Variants in PLAAT3 observed in about 807,000 individuals in gnomAD.
The protein encoded by PLAAT3 is Ca-independent phospholipase A1/2.
Under a neutral mutation model 16.7 loss-of-function variants are expected in PLAAT3, and 21 were observed. That is an observed-to-expected ratio of 1.26 (90% CI 0.89 to 1.81). PLAAT3 has a LOEUF of 1.81. PLAAT3 is among the 40% of genes most tolerant of loss of function. PLAAT3 has a pLI of 0.00. For synonymous variants in PLAAT3, 76 were observed against 81.7 expected, an observed-to-expected ratio of 0.93 and a Z score of 0.38; for missense variants, 219 against 213.7, an observed-to-expected ratio of 1.02 and a Z score of -0.16.
At chr11:63,612,593 G>A (rs777328818) in intron 2 of PLAAT3, among the ~76,000 whole-genome samples, 16 of 152,188 alleles carry the variant, frequency 1.1e-4, no homozygotes, top group Non-Finnish European at 1.8e-4. Context: ...CCATGAATAT[G>A]CAAAGATTGA....
At chr11:63,580,547 G>A (rs897207722) in intron 4 of PLAAT3, among the ~76,000 whole-genome samples, 11 of 152,202 alleles carry the variant, frequency 7.2e-5, no homozygotes, top group African/African-American at 2.7e-4. Flanking sequence ...CCAGCTACTT[G>A]GGAGGCTGAG....
At chr11:63,595,134 T>C (rs993734094) in intron 3 of PLAAT3, among the ~76,000 whole-genome samples, 2 of 151,670 alleles carry the variant, frequency 1.3e-5, no homozygotes, top group Non-Finnish European at 2.9e-5. Flanking sequence ...CTACTAAAAA[T>C]ACAAAAATTA....
At chr11:63,603,758 A>ACG (rs1938492905) in intron 2 of PLAAT3, among the ~76,000 whole-genome samples, 1 of 129,722 alleles carries the variant, frequency 7.7e-6, no homozygotes, top group African/African-American at 3.2e-5. Context: ...ACACACAGAC[A>ACG]GAGATATTAG....
chr11:63,576,117 A>C (rs1411814191), intron 4 of PLAAT3, among the ~76,000 whole-genome samples: 4 of 152,184 alleles, frequency 2.6e-5, no homozygotes, highest in Non-Finnish European at 4.4e-5. Flanking sequence ...AGAGTCCAGA[A>C]GACTTTTCTG....
chr11:63,574,896 A>T lies in PLAAT3; in HGVS notation c.*49T>A. ...AAACCCCAAACTCTCTAGCAAAACA[A>T]GACCCCCTTGATGTATAAAGTCATC... On this transcript the variant is annotated 3_prime_UTR_variant, in exon 5 of 5. Transcript: ENST00000415826. 1 of 1,093,576 alleles carries T rather than the reference A, an allele frequency of 9.1e-7. No homozygotes were observed. The highest frequency in any genetic ancestry group is 1.4e-6 in the Non-Finnish European group (1 of 707,202). The allele number at this position is 1,093,576 out of a possible 1,614,324, so 67.7% of individuals were successfully genotyped here. A position where few individuals can be genotyped will look rare whatever the true frequency, so the allele number is the denominator to read the frequency against.
chr11:63,597,903 C>T (rs538754634), intron 3 of PLAAT3, among the ~76,000 whole-genome samples, 158 bp downstream of exon 3: 3 of 152,344 alleles, frequency 2.0e-5, no homozygotes, highest in African/African-American at 4.8e-5. Flanking sequence ...CAGTGCCCCA[C>T]ACCAAACTGC....
chr11:63,601,980 C>CAAAA (rs71468636), intron 2 of PLAAT3, among the ~76,000 whole-genome samples: 20 of 99,330 alleles, frequency 2.0e-4, no homozygotes, highest in South Asian at 3.9e-4. Context: ...AACTCTGTCT[C>CAAAA]AAAAAAAAAA....
chr11:63,615,156 A>ATGTGTGTATATG (rs568532248), upstream of PLAAT3, among the ~76,000 whole-genome samples: 2 of 30,786 alleles, frequency 6.5e-5, no homozygotes, highest in African/African-American at 1.4e-4. Flanking sequence ...GTGTGTATAT[A>ATGTGTGTATATG]TGTGTATATA....
chr11:63,600,554 A>G (rs1938397768), intron 2 of PLAAT3, among the ~76,000 whole-genome samples: 1 of 151,326 alleles, frequency 6.6e-6, no homozygotes, highest in Admixed American at 6.6e-5. Context: ...TAAAATTTCT[A>G]TACTCTTCTA....
chr11:63,603,084 CT>C (rs1227158131), intron 2 of PLAAT3, among the ~76,000 whole-genome samples: 5 of 152,162 alleles, frequency 3.3e-5, no homozygotes, highest in East Asian at 1.9e-4. Flanking sequence ...CAGAGCAAGA[CT>C]CTATCTCAAA....
chr11:63,612,098 A>T (rs2134436266), intron 2 of PLAAT3, among the ~76,000 whole-genome samples: 1 of 152,316 alleles, frequency 6.6e-6, no homozygotes, highest in Admixed American at 6.5e-5. Context: ...AGATCACGCC[A>T]TTGCACTCCA....
At chr11:63,614,177 C>A in intron 1 of PLAAT3, 109 bp from the exon 2 acceptor site, 1 of 904,142 alleles carries the variant, frequency 1.1e-6, no homozygotes, top group Non-Finnish European at 1.7e-6. Flanking sequence ...CGCCTCGGAC[C>A]CCAGGAACAA....
intron 2 of PLAAT3, among the ~76,000 whole-genome samples, chr11:63,611,719 A>C (rs988233991): frequency 6.6e-6 from 1 of 152,266 alleles, no homozygotes; most frequent in Admixed American, 6.5e-5. Context: ...TGATGTTTGA[A>C]AGCCTGGGTG....
chr11:63,593,974 C>T (rs1342019807), intron 3 of PLAAT3, among the ~76,000 whole-genome samples: 4 of 152,208 alleles, frequency 2.6e-5, no homozygotes, highest in Admixed American at 6.5e-5. Flanking sequence ...AGAAGTGACA[C>T]TGCCACCAGG....
chr11:63,610,983 C>T (rs1311235447), intron 2 of PLAAT3, among the ~76,000 whole-genome samples: 2 of 152,052 alleles, frequency 1.3e-5, no homozygotes, highest in Non-Finnish European at 1.5e-5. Flanking sequence ...CTCCTGGGGG[C>T]GGCTACAACA....
chr11:63,607,759 TA>T (rs1938604032), intron 2 of PLAAT3, among the ~76,000 whole-genome samples: 1 of 151,242 alleles, frequency 6.6e-6, no homozygotes, highest in Non-Finnish European at 1.5e-5. Flanking sequence ...AAGCAGGAGA[TA>T]AGGAGGAGGC....
intron 2 of PLAAT3, among the ~76,000 whole-genome samples, chr11:63,600,135 C>A (rs1300959514): frequency 1.3e-5 from 2 of 152,126 alleles, no homozygotes; most frequent in African/African-American, 4.8e-5. Context: ...GTGCACACCA[C>A]CATGCCTGGC....
chr11:63,578,919 G>T (rs1050968577), intron 4 of PLAAT3, among the ~76,000 whole-genome samples: 1 of 151,284 alleles, frequency 6.6e-6, no homozygotes, highest in South Asian at 2.1e-4. Flanking sequence ...AGAAACTACC[G>T]TCAGAGTGAA....
chr11:63,604,707 G>A (rs755076355), intron 2 of PLAAT3, among the ~76,000 whole-genome samples: 3 of 151,870 alleles, frequency 2.0e-5, no homozygotes, highest in Non-Finnish European at 4.4e-5. Context: ...AGCTTGCAGT[G>A]AGCCCAGATG....
Sources: gnomAD v4.1 joint callset for allele counts (sites outside exome capture counted in the v4.1 genomes callset) on GRCh38, gnomAD v4.1.1 for gene constraint, MANE v1.5 for transcripts, NCBI Gene and HGNC (gene_info 2026-07-23, HGNC 2026-07-21) for gene names.